LPP: variants seen among roughly 807,000 people sequenced by gnomAD.
LPP encodes lipoma-preferred partner.
A neutral mutation model predicts 60.4 loss-of-function variants in LPP; 38 were observed. That is an observed-to-expected ratio of 0.63 (90% CI 0.49 to 0.83). LPP has a LOEUF of 0.83. Among genes scored for constraint, LPP ranks in the 40% least tolerant of loss-of-function variants. The pLI is 0.00. For missense variants in LPP, 902 were observed against 783.6 expected (o/e 1.15, Z -1.80); for synonymous variants, 328 against 290.8 (o/e 1.13, Z -1.30).
At chr3:188,210,231 A>C (rs1008254454) in intron 1 of LPP, among the ~76,000 whole-genome samples, 2 of 152,184 alleles carry the variant, frequency 1.3e-5, no homozygotes, top group Admixed American at 6.5e-5. Context: ...AAAAGACTTG[A>C]GCATCTCTGG....
At chr3:188,637,224 C>T (rs1474974492) in intron 7 of LPP, among the ~76,000 whole-genome samples, 1 of 151,980 alleles carries the variant, frequency 6.6e-6, no homozygotes. Context: ...CAAAACCACT[C>T]AACTACATGG....
At chr3:188,801,277 A>G (rs1387976163) in intron 9 of LPP, among the ~76,000 whole-genome samples, 1 of 152,196 alleles carries the variant, frequency 6.6e-6, no homozygotes, top group Non-Finnish European at 1.5e-5. Context: ...ACCAACACCC[A>G]TGTAATATAA....
At chr3:188,827,751 A>C (rs1259840040) in intron 9 of LPP, among the ~76,000 whole-genome samples, 1 of 152,104 alleles carries the variant, frequency 6.6e-6, no homozygotes, top group Non-Finnish European at 1.5e-5. Context: ...TATGGGAGTG[A>C]ATTCAGAGCT....
intron 2 of LPP, among the ~76,000 whole-genome samples, chr3:188,233,038 C>T (rs1720639143): frequency 6.6e-6 from 1 of 152,138 alleles, no homozygotes; most frequent in Non-Finnish European, 1.5e-5. Context: ...AGGCCATTAT[C>T]TCATGTCCTG....
chr3:188,795,878 C>T (rs1291017067), intron 9 of LPP, among the ~76,000 whole-genome samples: 1 of 152,146 alleles, frequency 6.6e-6, no homozygotes, highest in Non-Finnish European at 1.5e-5. Context: ...ATATCAATGA[C>T]TAACATATAG....
intron 2 of LPP, among the ~76,000 whole-genome samples, chr3:188,241,469 G>T (rs186793994): frequency 6.6e-6 from 1 of 152,212 alleles, no homozygotes; most frequent in East Asian, 1.9e-4. Flanking sequence ...CCCTTTGGGG[G>T]AGAAAAAGTC....
At chr3:188,475,245 A>C (rs1802855587) in intron 4 of LPP, among the ~76,000 whole-genome samples, 1 of 152,214 alleles carries the variant, frequency 6.6e-6, no homozygotes, top group African/African-American at 2.4e-5. Flanking sequence ...ATCTACTTTA[A>C]AGATAATTCT....
At chr3:188,264,010 C>T (rs1420865947) in intron 2 of LPP, among the ~76,000 whole-genome samples, 1 of 152,138 alleles carries the variant, frequency 6.6e-6, no homozygotes, top group East Asian at 1.9e-4. Flanking sequence ...GGAAGCCTTC[C>T]ACAGTTCCCA....
intron 3 of LPP, among the ~76,000 whole-genome samples, chr3:188,359,470 G>A (rs1768616984): frequency 6.6e-6 from 1 of 152,192 alleles, no homozygotes; most frequent in East Asian, 1.9e-4. Context: ...TGACCTATTA[G>A]CTGCAGGGGC....
At chr3:188,345,338 C>T (rs906028587) in intron 3 of LPP, among the ~76,000 whole-genome samples, 1 of 152,028 alleles carries the variant, frequency 6.6e-6, no homozygotes, top group Non-Finnish European at 1.5e-5. Flanking sequence ...TTCTGCTTTC[C>T]GTGTTTATTA....
chr3:188,839,659 A>C (rs1472472429), intron 9 of LPP, among the ~76,000 whole-genome samples: 1 of 152,020 alleles, frequency 6.6e-6, no homozygotes, highest in Non-Finnish European at 1.5e-5. Flanking sequence ...CAGATTACGA[A>C]GTCAGGAGAT....
At chr3:188,449,086 A>G (rs1293901168) in intron 4 of LPP, among the ~76,000 whole-genome samples, 1 of 152,240 alleles carries the variant, frequency 6.6e-6, no homozygotes, top group African/African-American at 2.4e-5. Context: ...TGGAAGCAAC[A>G]ACAATAGCTC....
chr3:188,578,217 T>C (rs1580120624), intron 6 of LPP, among the ~76,000 whole-genome samples: 1 of 151,768 alleles, frequency 6.6e-6, no homozygotes. Context: ...GCCACTATGG[T>C]CCTTCCTCTT....
intron 3 of LPP, among the ~76,000 whole-genome samples, chr3:188,370,859 G>A (rs1772840340): frequency 6.6e-6 from 1 of 152,148 alleles, no homozygotes; most frequent in South Asian, 2.1e-4. Flanking sequence ...TCTCACGCCT[G>A]CGTAACTCTA....
chr3:188,795,244 A>G (rs1300972304), intron 9 of LPP, among the ~76,000 whole-genome samples: 1 of 152,110 alleles, frequency 6.6e-6, no homozygotes, highest in African/African-American at 2.4e-5. Flanking sequence ...AATACACGTG[A>G]TTTTCTTAAT....
chr3:188,372,786 T>C (rs867075068), intron 3 of LPP, among the ~76,000 whole-genome samples: 22 of 152,140 alleles, frequency 1.4e-4, no homozygotes, highest in African/African-American at 5.3e-4. Context: ...ATACATGTGC[T>C]ATGTTAGTGT....
At position 188,888,214 on chromosome 3, in the gene LPP, A is replaced by G; in HGVS notation, c.*13735A>G. 2 of 219,862 alleles carry G rather than the reference A, an allele frequency of 9.1e-6. No homozygotes were observed. Among genetic ancestry groups the G allele is most frequent in the Non-Finnish European group, 1.8e-5 (2 of 109,420 alleles). The allele number at this position is 219,862 out of a possible 1,614,324, so 13.6% of individuals were successfully genotyped here. On this transcript the variant is annotated 3_prime_UTR_variant, in exon 12 of 12. Coordinates refer to ENST00000617246, the MANE Select transcript of LPP (RefSeq NM_001375462.1). ...TTAGGGCTTCTCTTTCTCTACAGCT[A>G]AGTAAGGGAATATGTGCAATTATGA...
chr3:188,510,393 C>G (rs1815101183), intron 5 of LPP, among the ~76,000 whole-genome samples: 1 of 152,188 alleles, frequency 6.6e-6, no homozygotes, highest in African/African-American at 2.4e-5. Flanking sequence ...CAGTAGCTTT[C>G]TGATACGGTC....
At chr3:188,218,461 C>T (rs1471689216) in intron 1 of LPP, among the ~76,000 whole-genome samples, 1 of 152,126 alleles carries the variant, frequency 6.6e-6, no homozygotes, top group Non-Finnish European at 1.5e-5. Context: ...CAGCCTAAGC[C>T]CAGAGATGCT....
Sources: allele counts gnomAD v4.1 joint callset (sites outside exome capture counted in the v4.1 genomes callset), GRCh38; gene constraint gnomAD v4.1.1; transcripts MANE v1.5; gene names NCBI Gene and HGNC (gene_info 2026-07-23, HGNC 2026-07-21).